Variants in MDGA2 observed in about 807,000 individuals in gnomAD.
MDGA2 encodes MAM domain-containing glycosylphosphatidylinositol anchor protein 2.
Under a neutral mutation model 117.8 loss-of-function variants are expected in MDGA2, and 40 were observed. The ratio of observed to expected loss-of-function variants is 0.34; its 90% CI spans 0.26 to 0.44. The LOEUF (loss-of-function observed/expected upper bound fraction) is 0.44. MDGA2 is among the 20% of genes least tolerant of loss of function. The probability of loss-of-function intolerance (pLI) is 1.00; values close to 1 mark genes in which losing one functional copy is unlikely to be tolerated. For missense variants in MDGA2, 1,123 were observed against 1,250.6 expected, an observed-to-expected ratio of 0.90 and a Z score of 1.54; for synonymous variants, 452 against 439.0, an observed-to-expected ratio of 1.03 and a Z score of -0.37.
chr14:47,590,426 G>C lies in MDGA2; in HGVS notation c.280+84091C>G, dbSNP rs370471798. On this transcript the variant is annotated intron_variant, in intron 1 of 16. Coordinates refer to ENST00000399232, the MANE Select transcript of MDGA2 (RefSeq NM_001113498.3). ...CAAAGTAAGACACATTCAAGGTAGAGGGAAAGGTGTAAAAAAATACATTTA... is the reference window on the plus strand; with the variant it reads ...CAAAGTAAGACACATTCAAGGTAGACGGAAAGGTGTAAAAAAATACATTTA... 8.6e-5 allele frequency among the ~76,000 whole-genome samples: 13 copies of C among 151,868 alleles called. No homozygotes were observed. The East Asian group carries it at 2.5e-3, about 29-fold the overall frequency.
chr14:47,351,954 C>T (rs1890894553), intron 1 of MDGA2, among the ~76,000 whole-genome samples: 1 of 150,350 alleles, frequency 6.7e-6, no homozygotes, highest in African/African-American at 2.4e-5. Context: ...TATATATATA[C>T]ACATATGCAT....
rs149049751 is a variant in MDGA2, at chr14:47,137,414, C to G, written c.793-5568G>C. 1.0e-3 allele frequency among the ~76,000 whole-genome samples: 154 copies of G among 152,174 alleles called. 2 individuals carry two copies. Among genetic ancestry groups the G allele is most frequent in the African/African-American group, 3.5e-3 (145 of 41,528 alleles). ...ATCTGGGTCATGCGGGCAGACCCCT[C>G]ATGAATAGATGATTAATGTCCTGAG... is the stretch of plus-strand genomic sequence containing the variant. On this transcript the variant is annotated intron_variant, in intron 4 of 16. Transcript: ENST00000399232.
chr14:47,606,051 TAC>T (rs1469453305), intron 1 of MDGA2, among the ~76,000 whole-genome samples: 2 of 152,338 alleles, frequency 1.3e-5, no homozygotes, highest in Non-Finnish European at 1.5e-5. Flanking sequence ...ATTAATCTGA[TAC>T]ACTATTTTAC....
intron 1 of MDGA2, among the ~76,000 whole-genome samples, chr14:47,353,885 T>C (rs1890937005): frequency 6.6e-6 from 1 of 151,934 alleles, no homozygotes; most frequent in South Asian, 2.1e-4. Context: ...TACTAATGAA[T>C]AAAGGTACAA....
At chr14:47,625,658 G>T (rs578169180) in intron 1 of MDGA2, among the ~76,000 whole-genome samples, 1 of 152,012 alleles carries the variant, frequency 6.6e-6, no homozygotes, top group Non-Finnish European at 1.5e-5. Context: ...AAAATAAGCC[G>T]CCTTTATTTA....
intron 1 of MDGA2, among the ~76,000 whole-genome samples, chr14:47,394,783 T>C (rs1052840975): frequency 1.3e-5 from 2 of 152,162 alleles, no homozygotes; most frequent in African/African-American, 4.8e-5. Flanking sequence ...TGAATTACAC[T>C]CAAAACCACA....
chr14:47,144,621 T>C (rs185393493), intron 3 of MDGA2, among the ~76,000 whole-genome samples: 1 of 151,710 alleles, frequency 6.6e-6, no homozygotes, highest in African/African-American at 2.4e-5. Flanking sequence ...AAAAAAAAAA[T>C]TAATATCAGG....
At chr14:47,295,004 T>C (rs1259365032) in intron 2 of MDGA2, among the ~76,000 whole-genome samples, 1 of 152,194 alleles carries the variant, frequency 6.6e-6, no homozygotes, top group Non-Finnish European at 1.5e-5. Context: ...CCTAGCCAAA[T>C]TTTTTTATGC....
At position 47,290,172 on chromosome 14, in the gene MDGA2, AT is replaced by A. The variant is rs988390023; in HGVS notation, c.420+11238del. Among the ~76,000 whole-genome samples, 313 of 152,172 alleles carry A rather than the reference AT, an allele frequency of 2.1e-3. 2 individuals carry two copies. The highest frequency in any genetic ancestry group is 7.1e-3 in the African/African-American group (294 of 41,526). Reference sequence around the variant, plus strand: ...GTGTCCCTCCCCAGAATTCATTCATATTTTGGAATCCTAATCCCCAGTAGGA... The same window carrying A: ...GTGTCCCTCCCCAGAATTCATTCATATTTGGAATCCTAATCCCCAGTAGGA... On this transcript the variant is annotated intron_variant, in intron 2 of 16. Transcript: ENST00000399232.
At chr14:47,405,806 A>G (rs1892248854) in intron 1 of MDGA2, among the ~76,000 whole-genome samples, 1 of 152,196 alleles carries the variant, frequency 6.6e-6, no homozygotes, top group Admixed American at 6.5e-5. Context: ...TGAAGCAATC[A>G]TATAAATTTA....
intron 3 of MDGA2, among the ~76,000 whole-genome samples, chr14:47,203,868 T>G (rs1246921180): frequency 6.6e-6 from 1 of 152,000 alleles, no homozygotes; most frequent in Admixed American, 6.6e-5. Context: ...AGAAGGAAAC[T>G]TATCTAAAAA....
At chr14:47,074,999 C>T (rs1407516058) in intron 6 of MDGA2, among the ~76,000 whole-genome samples, 1 of 152,084 alleles carries the variant, frequency 6.6e-6, no homozygotes, top group African/African-American at 2.4e-5. Context: ...CCTTCTCACT[C>T]TTTCATTTAT....
rs1269488000 is a variant in MDGA2, at chr14:47,307,346, C to T, written c.281-5796G>A. ...TGTTGACAACTCCATTGCCTAACAT[C>T]TTCCTCATTAGCCTAGTTACATTAC... On this transcript the variant is annotated intron_variant, in intron 1 of 16. Transcript: ENST00000399232. Among the ~76,000 whole-genome samples, 4 of 152,162 alleles carry T rather than the reference C, an allele frequency of 2.6e-5. No individual in the cohort carries two copies. The East Asian group carries it at 7.7e-4, about 29-fold the overall frequency.
intron 1 of MDGA2, among the ~76,000 whole-genome samples, chr14:47,642,355 A>T (rs1897443333): frequency 6.6e-6 from 1 of 152,120 alleles, no homozygotes; most frequent in South Asian, 2.1e-4. Flanking sequence ...CTTTATGCTG[A>T]ACAAATATGT....
Position 47,545,970 on chromosome 14 carries a change from AC to A in MDGA2, c.280+128546del, listed in dbSNP as rs1296176156. 2.0e-5 allele frequency among the ~76,000 whole-genome samples: 3 copies of A among 152,252 alleles called. No individual in the cohort carries two copies. The East Asian group carries it at 5.8e-4, about 29-fold the overall frequency. On this transcript the variant is annotated intron_variant, in intron 1 of 16. Transcript: ENST00000399232. ...GTGCTGTGCTAAGCACTTTTGGGAA[AC>A]ATTTAGATGCTTTAAGCAGAATTTC...
At position 47,051,069 on chromosome 14, in the gene MDGA2, T is replaced by C. The variant is rs551571053; in HGVS notation, c.1525+10180A>G. ...TGTCAAAGGGATATGACTGAATATT[T>C]GAAATGCCTGAGATAATAAAGGGAA... On this transcript the variant is annotated intron_variant, in intron 7 of 16. Transcript: ENST00000399232. Among the ~76,000 whole-genome samples the C allele has an allele frequency of 1.4e-4, 22 of 152,106 alleles. No individual in the cohort carries two copies. In the East Asian group the frequency reaches 4.2e-3, roughly 29 times the overall value.
chr14:47,211,696 G>C (rs1215115837), intron 3 of MDGA2, among the ~76,000 whole-genome samples: 1 of 152,112 alleles, frequency 6.6e-6, no homozygotes, highest in African/African-American at 2.4e-5. Context: ...GAAAAAAGGA[G>C]TTCCGAACCC....
intron 1 of MDGA2, among the ~76,000 whole-genome samples, chr14:47,349,671 T>C (rs1164507605): frequency 6.6e-6 from 1 of 152,206 alleles, no homozygotes; most frequent in African/African-American, 2.4e-5. Flanking sequence ...CATGAATTAG[T>C]TTTCAAAAAG....
chr14:47,153,708 A>AT lies in MDGA2; in HGVS notation c.596-9435dup, dbSNP rs1364590069. On this transcript the variant is annotated intron_variant, in intron 3 of 16. Coordinates refer to ENST00000399232, the MANE Select transcript of MDGA2 (RefSeq NM_001113498.3). ...CAGGCAAAAAAAGAAAAGAAAAGAAATAAAAAAAAAAAAAAAACAGTTGGG... is the reference window on the plus strand; with the variant it reads ...CAGGCAAAAAAAGAAAAGAAAAGAAATTAAAAAAAAAAAAAAAACAGTTGGG... 2.7e-5 allele frequency among the ~76,000 whole-genome samples: 4 copies of AT among 150,276 alleles called. No individual in the cohort carries two copies. The South Asian group carries it at 8.4e-4, about 31-fold the overall frequency.
Sources: gnomAD v4.1 joint callset for allele counts (sites outside exome capture counted in the v4.1 genomes callset) on GRCh38, gnomAD v4.1.1 for gene constraint, MANE v1.5 for transcripts, NCBI Gene and HGNC (gene_info 2026-07-23, HGNC 2026-07-21) for gene names.